The following SARNP variants were observed in gnomAD, a reference collection of about 807,000 sequenced individuals.
SARNP encodes the protein SAP domain containing ribonucleoprotein.
In SARNP, 5 loss-of-function variants were observed where a neutral mutation model predicts 38.1. That is an observed-to-expected ratio of 0.13 (90% CI 0.07 to 0.28). The LOEUF (loss-of-function observed/expected upper bound fraction) is 0.28. Ranked by LOEUF, SARNP falls within the 10% of genes least tolerant of loss-of-function variation. SARNP has a pLI of 1.00. For synonymous variants in SARNP, 84 were observed against 80.6 expected (o/e 1.04, Z -0.23); for missense variants, 180 against 243.9 (o/e 0.74, Z 1.75).
chr12:55,808,395 C>T (rs1459222905), intron 1 of SARNP, among the ~76,000 whole-genome samples: 3 of 151,808 alleles, frequency 2.0e-5, no homozygotes, highest in East Asian at 3.9e-4. Flanking sequence ...CTTGGCTCAC[C>T]GCAACCTCCA....
chr12:55,764,810 AAC>A (rs1472403175), intron 9 of SARNP, among the ~76,000 whole-genome samples: 2 of 147,296 alleles, frequency 1.4e-5, no homozygotes, highest in Non-Finnish European at 1.5e-5. Flanking sequence ...CCAGCCTGGC[AAC>A]AGAGCCAGAC....
At chr12:55,759,787 G>A (rs1448778459) in intron 10 of SARNP, among the ~76,000 whole-genome samples, 1 of 151,872 alleles carries the variant, frequency 6.6e-6, no homozygotes, top group Non-Finnish European at 1.5e-5. Flanking sequence ...GCCCAGGCTG[G>A]AGTACAGTGG....
intron 9 of SARNP, among the ~76,000 whole-genome samples, chr12:55,768,477 T>C (rs1878911874): frequency 7.0e-6 from 1 of 142,680 alleles, no homozygotes; most frequent in Admixed American, 7.0e-5. Flanking sequence ...CAGGCTAGAG[T>C]GTAGTGGCGC....
chr12:55,776,698 T>C (rs1374318567), intron 9 of SARNP, among the ~76,000 whole-genome samples: 4 of 152,148 alleles, frequency 2.6e-5, no homozygotes, highest in Admixed American at 6.5e-5. Context: ...TGGATAGATA[T>C]TGCTTCACTT....
chr12:55,753,770 C>CAAAAAAAA (rs35350773), downstream of SARNP: 2 of 51,098 alleles, frequency 3.9e-5, no homozygotes, highest in African/African-American at 8.6e-5. Context: ...CTCCCATCTC[C>CAAAAAAAA]AAAAAAAAAA....
rs557189416 is a variant in SARNP, at chr12:55,793,686, C to G, written c.406+673G>C. 3 of 151,726 alleles carry G rather than the reference C, an allele frequency of 2.0e-5. No homozygotes were observed. In the South Asian group the frequency reaches 6.3e-4, roughly 32 times the overall value. The allele number at this position is 151,726 out of a possible 1,614,324, so 9.4% of individuals were successfully genotyped here. On this transcript the variant is annotated intron_variant, in intron 7 of 10. Transcript: ENST00000336133. ...AGTTCAAACCTTGCTGAAGTGTCTACTATGTATCCTTCCAAGCTTTTTTCC... is the reference window on the plus strand; with the variant it reads ...AGTTCAAACCTTGCTGAAGTGTCTAGTATGTATCCTTCCAAGCTTTTTTCC...
rs375182140 is a variant in SARNP, at chr12:55,763,351, G to A, written c.502-2711C>T. 2.8e-3 allele frequency among the ~76,000 whole-genome samples: 409 copies of A among 146,460 alleles called. 4 individuals carry two copies. The Middle Eastern group carries it at 0.039, about 14-fold the overall frequency. On this transcript the variant is annotated intron_variant, in intron 9 of 10. Transcript: ENST00000336133. ...CCCAGAGACAGAGTCTCGCTCTGTC[G>A]CCCAGGCTGGAGTGCAGTGGTGCCA...
At position 55,817,712 on chromosome 12, in the gene SARNP, C is replaced by CT; in HGVS notation, c.-12dup. The CT allele has an allele frequency of 6.2e-7, 1 of 1,612,596 alleles. No homozygotes were observed. The highest frequency in any genetic ancestry group is 1.3e-5 in the African/African-American group (1 of 74,960). On this transcript the variant is annotated 5_prime_UTR_variant, in exon 1 of 11. Coordinates refer to ENST00000336133, the MANE Select transcript of SARNP (RefSeq NM_033082.4). ...CGTCTCGGTCGCCATCTTGTTACCC[C>CT]TCACTCCACTAGGCCCCCACCCGCG... is the stretch of plus-strand genomic sequence containing the variant.
At chr12:55,790,265 G>A (rs531158998) in intron 8 of SARNP, among the ~76,000 whole-genome samples, 1 of 150,984 alleles carries the variant, frequency 6.6e-6, no homozygotes, top group East Asian at 1.9e-4. Flanking sequence ...CATTATCTAA[G>A]GCCACTGGAC....
chr12:55,810,938 G>A (rs1297698221), intron 1 of SARNP, among the ~76,000 whole-genome samples: 4 of 151,944 alleles, frequency 2.6e-5, no homozygotes, highest in South Asian at 2.1e-4. Flanking sequence ...TTAGCCAGAC[G>A]TGGTGGCAGG....
At chr12:55,797,322 T>C (rs1879850004) in intron 4 of SARNP, among the ~76,000 whole-genome samples, 1 of 152,182 alleles carries the variant, frequency 6.6e-6, no homozygotes, top group Non-Finnish European at 1.5e-5. Context: ...CCGCTTTAGC[T>C]GGTTGGGGGT....
Position 55,814,202 on chromosome 12 carries a change from C to G in SARNP, c.36+3464G>C, listed in dbSNP as rs187510133. Among the ~76,000 whole-genome samples the G allele has an allele frequency of 4.1e-4, 63 of 152,218 alleles. 1 individual carries two copies. The East Asian group carries it at 0.012, about 29-fold the overall frequency. The stretch of plus-strand genomic sequence containing the variant: ...AATATCTAAGTGGTGAAATCGCTCC[C>G]CCTACAAATCCCATCCGCCAAGAGA... On this transcript the variant is annotated intron_variant, in intron 1 of 10. Coordinates refer to ENST00000336133, the MANE Select transcript of SARNP (RefSeq NM_033082.4).
At chr12:55,791,595 T>A (rs1879671049) in intron 7 of SARNP, among the ~76,000 whole-genome samples, 2 of 151,986 alleles carry the variant, frequency 1.3e-5, no homozygotes, top group South Asian at 2.1e-4. Context: ...CTCGGGAGGC[T>A]GAGACAGGAG....
At chr12:55,812,236 C>T (rs1267800066) in intron 1 of SARNP, among the ~76,000 whole-genome samples, 1 of 152,208 alleles carries the variant, frequency 6.6e-6, no homozygotes, top group African/African-American at 2.4e-5. Context: ...TTGTAAACAT[C>T]TCCTTGTTAA....
At chr12:55,787,121 A>G (rs1879520363) in intron 9 of SARNP, among the ~76,000 whole-genome samples, 1 of 151,546 alleles carries the variant, frequency 6.6e-6, no homozygotes, top group Non-Finnish European at 1.5e-5. Context: ...GGTCCCACCT[A>G]CTCAGGAGGC....
chr12:55,759,749 C>CT (rs928957565), intron 10 of SARNP, among the ~76,000 whole-genome samples: 2 of 149,336 alleles, frequency 1.3e-5, no homozygotes, highest in African/African-American at 4.9e-5. Context: ...CCGCCTTTTT[C>CT]TTTTTTGAGA....
chr12:55,767,509 G>A (rs549450825), intron 9 of SARNP, among the ~76,000 whole-genome samples: 18 of 151,998 alleles, frequency 1.2e-4, no homozygotes, highest in South Asian at 4.2e-4. Context: ...TTGTCACGCC[G>A]CTGCACTTCA....
intron 9 of SARNP, among the ~76,000 whole-genome samples, chr12:55,783,939 A>C (rs1325146308): frequency 6.6e-6 from 1 of 152,132 alleles, no homozygotes; most frequent in Non-Finnish European, 1.5e-5. Flanking sequence ...AAAAAAGAAA[A>C]AAAGAAATCA....
rs11412761 is a variant in SARNP at position 55,813,539 on chromosome 12, A to ATTT, written c.36+4124_36+4126dup. On this transcript the variant is annotated intron_variant, in intron 1 of 10. Transcript: ENST00000336133. ...GAATTTTGGACACAGGCTGCCTGGA[A>ATTT]TTTTTTTTTTTTTTTTTTTTTTGAG... Among the ~76,000 whole-genome samples the ATTT allele has an allele frequency of 5.1e-3, 553 of 107,938 alleles. 23 individuals are homozygous for ATTT. The highest frequency in any genetic ancestry group is 0.016 in the African/African-American group (421 of 26,414). The allele number at this position is 107,938 out of a possible 152,430, so 70.8% of individuals were successfully genotyped here.
Sources: allele counts gnomAD v4.1 joint callset (sites outside exome capture counted in the v4.1 genomes callset), GRCh38; gene constraint gnomAD v4.1.1; transcripts MANE v1.5; gene names NCBI Gene and HGNC (gene_info 2026-07-23, HGNC 2026-07-21).